The following CCDC30 variants were observed in gnomAD, a reference collection of about 807,000 sequenced individuals.
CCDC30 encodes coiled-coil domain containing 30.
CCDC30 carries 70 observed loss-of-function variants against 100.2 expected under a neutral mutation model. That is an observed-to-expected ratio of 0.70 (90% CI 0.58 to 0.85). The LOEUF is 0.85. Among genes scored for constraint, CCDC30 ranks in the 40% least tolerant of loss-of-function variants. The probability of loss-of-function intolerance (pLI) is 0.00; values close to 1 mark genes in which losing one functional copy is unlikely to be tolerated. For synonymous variants in CCDC30, 233 were observed against 269.5 expected, an observed-to-expected ratio of 0.86 and a Z score of 1.33; for missense variants, 652 against 771.2, an observed-to-expected ratio of 0.85 and a Z score of 1.83.
At chr1:42,623,633 A>G (rs1354072348) in intron 11 of CCDC30, among the ~76,000 whole-genome samples, 1 of 152,172 alleles carries the variant, frequency 6.6e-6, no homozygotes, top group Non-Finnish European at 1.5e-5. Context: ...TTTGGTTATC[A>G]TAGCTCTGTG....
chr1:42,540,998 GTC>G (rs760537335), intron 6 of CCDC30, among the ~76,000 whole-genome samples: 4 of 152,166 alleles, frequency 2.6e-5, no homozygotes, highest in Non-Finnish European at 5.9e-5. Context: ...TCCTCAGTCT[GTC>G]TTTGTCTTTT....
intron 7 of CCDC30, chr1:42,571,052 A>G (rs527324114): frequency 1.1e-4 from 17 of 152,402 alleles, no homozygotes; most frequent in Admixed American, 2.6e-4. Context: ...GTCATTGGCC[A>G]TAACAGTGTT....
At chr1:42,541,089 A>G (rs1645002640) in intron 6 of CCDC30, among the ~76,000 whole-genome samples, 1 of 152,366 alleles carries the variant, frequency 6.6e-6, no homozygotes, top group South Asian at 2.1e-4. Context: ...TGGGTAGATT[A>G]AACAACAAAT....
At chr1:42,491,856 A>C (rs191998807) in intron 4 of CCDC30, 317 of 377,218 alleles carry the variant, frequency 8.4e-4, no homozygotes, top group African/African-American at 6.3e-3. Flanking sequence ...TGCTATGTTC[A>C]ATATAAGAAA....
At chr1:42,546,334 G>A (rs375161784) in intron 6 of CCDC30, among the ~76,000 whole-genome samples, 2 of 144,538 alleles carry the variant, frequency 1.4e-5, no homozygotes, top group African/African-American at 5.2e-5. Context: ...GCGGTGAGCC[G>A]AGATCACGCC....
At chr1:42,473,563 G>A in intron 1 of CCDC30, 1 of 339,638 alleles carries the variant, frequency 2.9e-6, no homozygotes, top group Middle Eastern at 7.9e-4. Flanking sequence ...TCATTATCTT[G>A]GTAAAGTCAT....
chr1:42,583,407 T>C (rs1422897622), intron 9 of CCDC30, among the ~76,000 whole-genome samples: 1 of 152,232 alleles, frequency 6.6e-6, no homozygotes, highest in Non-Finnish European at 1.5e-5. Context: ...GGGAAATTCT[T>C]CTACCGAAAG....
chr1:42,545,383 A>G (rs1029555605), intron 6 of CCDC30, 27 bp from the exon 9 acceptor site: 12 of 1,534,050 alleles, frequency 7.8e-6, no homozygotes, highest in African/African-American at 1.4e-5. Context: ...GCAAAATAGA[A>G]TATTTGTCTT....
intron 10 of CCDC30, among the ~76,000 whole-genome samples, chr1:42,595,896 C>T (rs901324674): frequency 6.6e-6 from 1 of 152,232 alleles, no homozygotes; most frequent in Middle Eastern, 3.4e-3. Context: ...CTATTTGTTC[C>T]GTCTGATTAT....
chr1:42,500,301 G>C, intron 6 of CCDC30: 2 of 1,610,374 alleles, frequency 1.2e-6, no homozygotes, highest in Non-Finnish European at 8.5e-7. Context: ...TCGACTTATC[G>C]AATTTCTCCA....
intron 7 of CCDC30, among the ~76,000 whole-genome samples, chr1:42,567,915 C>T (rs1645640971): frequency 6.6e-6 from 1 of 151,650 alleles, no homozygotes; most frequent in Non-Finnish European, 1.5e-5. Flanking sequence ...TTATTTTTCA[C>T]TGTTTGTAAA....
chr1:42,557,846 G>C (rs1645404481), intron 6 of CCDC30, among the ~76,000 whole-genome samples: 1 of 151,274 alleles, frequency 6.6e-6, no homozygotes, highest in South Asian at 2.1e-4. Context: ...AAGATGTTAG[G>C]CATCATCTGG....
chr1:42,582,371 A>G (rs1477377409), intron 9 of CCDC30, among the ~76,000 whole-genome samples: 2 of 152,240 alleles, frequency 1.3e-5, no homozygotes, highest in East Asian at 1.9e-4. Flanking sequence ...TCTTTTGCAC[A>G]TTATTAACCA....
chr1:42,617,200 A>G (rs907355180), intron 11 of CCDC30, among the ~76,000 whole-genome samples: 1 of 152,190 alleles, frequency 6.6e-6, no homozygotes, highest in Non-Finnish European at 1.5e-5. Context: ...GCACTTTCAG[A>G]GGCCAAGGCA....
At chr1:42,570,653 T>C (rs2148572924) in intron 7 of CCDC30, among the ~76,000 whole-genome samples, 1 of 152,266 alleles carries the variant, frequency 6.6e-6, no homozygotes, top group Admixed American at 6.5e-5. Context: ...TTATCAACTA[T>C]TTATGAATCT....
intron 3 of CCDC30, among the ~76,000 whole-genome samples, chr1:42,485,742 C>T (rs1009462862): frequency 6.6e-6 from 1 of 152,112 alleles, no homozygotes; most frequent in Non-Finnish European, 1.5e-5. Context: ...CTCAGCACCT[C>T]CCATCATAAA....
At chr1:42,605,754 T>G (rs1355576277) in intron 10 of CCDC30, among the ~76,000 whole-genome samples, 2 of 152,100 alleles carry the variant, frequency 1.3e-5, no homozygotes, top group Admixed American at 6.5e-5. Flanking sequence ...CCCAAAATGC[T>G]TGGATTACAA....
At chr1:42,456,609 G>C in the CCDC30 span, 1 of 1,531,318 alleles carries the variant, frequency 6.5e-7, no homozygotes, top group African/African-American at 1.4e-5. Flanking sequence ...CAGCCTCCCG[G>C]TGCTGCGCGC....
At chr1:42,513,727 A>G (rs551224746) in intron 6 of CCDC30, among the ~76,000 whole-genome samples, 1 of 152,256 alleles carries the variant, frequency 6.6e-6, no homozygotes, top group South Asian at 2.1e-4. Flanking sequence ...TTTAACTCCT[A>G]TATCATTAGT....
Sources: gnomAD v4.1 joint callset for allele counts (sites outside exome capture counted in the v4.1 genomes callset) on GRCh38, gnomAD v4.1.1 for gene constraint, MANE v1.5 for transcripts, NCBI Gene and HGNC (gene_info 2026-07-23, HGNC 2026-07-21) for gene names.